GALNTL6: variants seen among roughly 807,000 people sequenced by gnomAD.
GALNTL6 encodes the protein polypeptide N-acetylgalactosaminyltransferase like 6.
A neutral mutation model predicts 73.7 loss-of-function variants in GALNTL6; 46 were observed. That is an observed-to-expected ratio of 0.62 (90% CI 0.49 to 0.80). The LOEUF (loss-of-function observed/expected upper bound fraction) is 0.80. GALNTL6 is among the 30% of genes least tolerant of loss of function. GALNTL6 has a pLI of 0.00. For missense variants in GALNTL6, 604 were observed against 755.0 expected (o/e 0.80, Z 2.34); for synonymous variants, 259 against 263.7 (o/e 0.98, Z 0.17).
In GALNTL6 at chr4:172,451,465, C is replaced by G. The variant is rs976701285; in HGVS notation, c.553+102776C>G. Among the ~76,000 whole-genome samples the G allele has an allele frequency of 2.6e-5, 4 of 152,040 alleles. No individual in the cohort carries two copies. In the East Asian group the frequency reaches 7.7e-4, roughly 29 times the overall value. On this transcript the variant is annotated intron_variant, in intron 5 of 12. Transcript: ENST00000506823. Reference sequence around the variant, plus strand: ...TTAAGACCTCAAGTCTCTTAATGGGCAGAAAGTGTTACAAAATATGGGCAC... The same window carrying G: ...TTAAGACCTCAAGTCTCTTAATGGGGAGAAAGTGTTACAAAATATGGGCAC...
At position 172,345,652 on chromosome 4, in the gene GALNTL6, T is replaced by C. The variant is rs79958003; in HGVS notation, c.387-2871T>C. On this transcript the variant is annotated intron_variant, in intron 4 of 12. Coordinates refer to ENST00000506823, the MANE Select transcript of GALNTL6 (RefSeq NM_001034845.3). Reference sequence around the variant, plus strand: ...TTAAGAGACTGTTCCAAAGAGACTATACCAAATGAGGTATAACTTATTTGC... The same window carrying C: ...TTAAGAGACTGTTCCAAAGAGACTACACCAAATGAGGTATAACTTATTTGC... Among the ~76,000 whole-genome samples the C allele has an allele frequency of 1.9e-3, 295 of 152,314 alleles. 9 individuals carry two copies. The East Asian group carries it at 0.051, about 26-fold the overall frequency.
At chr4:171,827,567 A>C (rs966331570) in intron 2 of GALNTL6, among the ~76,000 whole-genome samples, 8 of 152,122 alleles carry the variant, frequency 5.3e-5, no homozygotes, top group African/African-American at 9.7e-5. Context: ...TCTAATCCAA[A>C]TTTCCCTCCT....
chr4:171,885,447 G>A (rs1399692651), intron 2 of GALNTL6, among the ~76,000 whole-genome samples: 1 of 152,140 alleles, frequency 6.6e-6, no homozygotes, highest in East Asian at 1.9e-4. Context: ...GGCTGCAAAT[G>A]CTCACTGGGC....
At chr4:172,550,760 G>T (rs1735927530) in intron 5 of GALNTL6, among the ~76,000 whole-genome samples, 1 of 152,032 alleles carries the variant, frequency 6.6e-6, no homozygotes, top group African/African-American at 2.4e-5. Context: ...ACCATGCCCA[G>T]CTCATTGCAA....
intron 2 of GALNTL6, among the ~76,000 whole-genome samples, chr4:172,198,773 A>G (rs1373370734): frequency 6.6e-6 from 1 of 152,202 alleles, no homozygotes; most frequent in Non-Finnish European, 1.5e-5. Flanking sequence ...TCCAGTGCCT[A>G]CTTGCCTCTC....
chr4:172,101,780 T>A (rs1489993676), intron 2 of GALNTL6, among the ~76,000 whole-genome samples: 1 of 152,166 alleles, frequency 6.6e-6, no homozygotes, highest in East Asian at 1.9e-4. Context: ...AACAATTATA[T>A]ATTGGCTGAT....
At chr4:172,475,822 G>A (rs1186264874) in intron 5 of GALNTL6, among the ~76,000 whole-genome samples, 1 of 152,092 alleles carries the variant, frequency 6.6e-6, no homozygotes, top group African/African-American at 2.4e-5. Context: ...TTCTATCCAG[G>A]GATCCATCCA....
intron 5 of GALNTL6, among the ~76,000 whole-genome samples, chr4:172,487,139 AAAC>A (rs940680887): frequency 1.7e-4 from 26 of 152,286 alleles, no homozygotes; most frequent in African/African-American, 5.5e-4. Context: ...ATAATAAAAA[AAAC>A]AAGAATAAAT....
intron 5 of GALNTL6, among the ~76,000 whole-genome samples, chr4:172,587,528 A>T (rs1157284293): frequency 2.0e-5 from 3 of 152,174 alleles, no homozygotes; most frequent in Non-Finnish European, 4.4e-5. Flanking sequence ...AGGGCTTTCC[A>T]CAGTGTGTCT....
chr4:172,804,792 T>G (rs146308157), intron 5 of GALNTL6, among the ~76,000 whole-genome samples: 2 of 152,274 alleles, frequency 1.3e-5, no homozygotes, highest in Admixed American at 1.3e-4. Flanking sequence ...CAGTCATTAT[T>G]CTGACATTAG....
chr4:172,501,538 G>A (rs1469505394), intron 5 of GALNTL6, among the ~76,000 whole-genome samples: 1 of 152,060 alleles, frequency 6.6e-6, no homozygotes, highest in Non-Finnish European at 1.5e-5. Flanking sequence ...TCATCAGTCA[G>A]AATGAGAGAG....
chr4:172,952,524 T>G (rs570556300), intron 10 of GALNTL6, among the ~76,000 whole-genome samples: 39 of 151,046 alleles, frequency 2.6e-4, no homozygotes, highest in Non-Finnish European at 3.4e-4. Flanking sequence ...TTTTTGTTTT[T>G]GTTTTTTTTG....
chr4:171,978,510 A>C (rs1371210368), intron 2 of GALNTL6, among the ~76,000 whole-genome samples: 1 of 152,172 alleles, frequency 6.6e-6, no homozygotes, highest in Non-Finnish European at 1.5e-5. Context: ...ACATCTCCAC[A>C]TGAGGGGCTA....
intron 3 of GALNTL6, among the ~76,000 whole-genome samples, chr4:172,232,897 A>C (rs568069044): frequency 6.6e-5 from 10 of 152,148 alleles, no homozygotes; most frequent in African/African-American, 2.4e-4. Context: ...ATTTATTTTA[A>C]ATGATATCCT....
At chr4:173,006,631 G>C (rs2126487525) in intron 10 of GALNTL6, among the ~76,000 whole-genome samples, 1 of 152,308 alleles carries the variant, frequency 6.6e-6, no homozygotes, top group Non-Finnish European at 1.5e-5. Flanking sequence ...AAAGGTAAAA[G>C]AAATGAGAGC....
At chr4:172,183,886 A>C (rs566521206) in intron 2 of GALNTL6, among the ~76,000 whole-genome samples, 1 of 146,132 alleles carries the variant, frequency 6.8e-6, no homozygotes, top group Admixed American at 7.2e-5. Context: ...TCCACCTCCC[A>C]GGTTCAAGTG....
intron 2 of GALNTL6, among the ~76,000 whole-genome samples, chr4:172,127,851 C>T (rs1733346468): frequency 6.6e-6 from 1 of 151,912 alleles, no homozygotes; most frequent in Non-Finnish European, 1.5e-5. Context: ...GCCTGAAATC[C>T]CAGCACTTCG....
intron 5 of GALNTL6, among the ~76,000 whole-genome samples, chr4:172,409,420 G>A (rs1744354606): frequency 6.6e-6 from 1 of 151,844 alleles, no homozygotes; most frequent in African/African-American, 2.4e-5. Flanking sequence ...TTTTTGTAAT[G>A]CATGCTACTA....
At chr4:171,913,382 T>C (rs913174273) in intron 2 of GALNTL6, among the ~76,000 whole-genome samples, 12 of 152,206 alleles carry the variant, frequency 7.9e-5, no homozygotes, top group South Asian at 4.1e-4. Flanking sequence ...GGCTGTGTCT[T>C]GTAGATATGG....
Sources: gnomAD v4.1 joint callset for allele counts (sites outside exome capture counted in the v4.1 genomes callset) on GRCh38, gnomAD v4.1.1 for gene constraint, MANE v1.5 for transcripts, NCBI Gene and HGNC (gene_info 2026-07-23, HGNC 2026-07-21) for gene names.